Variants in MAP2K5 observed in about 807,000 individuals in gnomAD.
MAP2K5 encodes the protein dual specificity mitogen-activated protein kinase kinase 5.
Under a neutral mutation model 83.1 loss-of-function variants are expected in MAP2K5, and 49 were observed. That is an observed-to-expected ratio of 0.59 (90% CI 0.47 to 0.75). MAP2K5 has a LOEUF of 0.75. MAP2K5 is among the 30% of genes least tolerant of loss of function. The pLI is 0.00. For missense variants in MAP2K5, 457 were observed against 557.5 expected, an observed-to-expected ratio of 0.82 and a Z score of 1.82; for synonymous variants, 202 against 191.8, an observed-to-expected ratio of 1.05 and a Z score of -0.44.
At chr15:67,586,255 A>G (rs1329313967) in intron 5 of MAP2K5, among the ~76,000 whole-genome samples, 1 of 152,220 alleles carries the variant, frequency 6.6e-6, no homozygotes, top group Non-Finnish European at 1.5e-5. Flanking sequence ...TAAGCACATA[A>G]GCATATTGCA....
intron 5 of MAP2K5, 98 bp from the exon 6 acceptor site, chr15:67,586,748 C>T: frequency 9.1e-7 from 1 of 1,104,468 alleles, no homozygotes; most frequent in Non-Finnish European, 1.4e-6. Flanking sequence ...AGCTAATTAA[C>T]CTTCATAGTG....
At chr15:67,649,971 C>T (rs1374874751) in intron 11 of MAP2K5, among the ~76,000 whole-genome samples, 2 of 152,178 alleles carry the variant, frequency 1.3e-5, no homozygotes, top group African/African-American at 4.8e-5. Flanking sequence ...ATCTTCCACT[C>T]CGTGAACACA....
At position 67,577,476 on chromosome 15, in the gene MAP2K5, T is replaced by C. The variant is rs995352265; in HGVS notation, c.253-3278T>C. 1.1e-4 allele frequency among the ~76,000 whole-genome samples: 16 copies of C among 152,164 alleles called. No homozygotes were observed. The highest frequency in any genetic ancestry group is 3.9e-4 in the African/African-American group (16 of 41,438). On this transcript the variant is annotated intron_variant, in intron 3 of 21. Coordinates refer to ENST00000178640, the MANE Select transcript of MAP2K5 (RefSeq NM_145160.3). The surrounding 1 kb of genome is among the most constrained non-coding windows in gnomAD (Gnocchi z 4.1). ...ATGAAGTTATTTGGATAACTTGAAG[T>C]AATATTATGAAGGTTACTTTGTTAC...
chr15:67,710,311 G>A (rs543577844), intron 16 of MAP2K5, among the ~76,000 whole-genome samples: 49 of 152,244 alleles, frequency 3.2e-4, no homozygotes, highest in Admixed American at 1.5e-3. Context: ...TAATTGGTGC[G>A]TCATCTAGTC....
At chr15:67,759,332 G>A (rs565081557) in intron 19 of MAP2K5, among the ~76,000 whole-genome samples, 2 of 152,136 alleles carry the variant, frequency 1.3e-5, no homozygotes, top group South Asian at 4.2e-4. Context: ...ACCAAGGAAG[G>A]CAGATCACTT....
At chr15:67,682,224 T>A (rs1468240973) in intron 13 of MAP2K5, among the ~76,000 whole-genome samples, 1 of 144,656 alleles carries the variant, frequency 6.9e-6, no homozygotes, top group Non-Finnish European at 1.5e-5. Flanking sequence ...CTAGAGCTAT[T>A]TTTTTTTTTT....
chr15:67,588,266 C>T (rs1342084253), intron 6 of MAP2K5: 2 of 177,044 alleles, frequency 1.1e-5, no homozygotes, highest in East Asian at 3.8e-4. Flanking sequence ...TCACTTTCTT[C>T]TCTCTACTGG....
intron 17 of MAP2K5, among the ~76,000 whole-genome samples, chr15:67,741,258 T>C (rs62015172): frequency 0.12 from 17,818 of 152,090 alleles, 1,166 homozygotes; most frequent in African/African-American, 0.14. Flanking sequence ...GCAGCTTTCA[T>C]GTCCAGGTAA....
Position 67,543,227 on chromosome 15 carries a change from C to A in MAP2K5, c.-109C>A. 3.2e-5 allele frequency: 33 copies of A among 1,036,800 alleles called. No individual in the cohort carries two copies. The highest frequency in any genetic ancestry group is 3.5e-5 in the Non-Finnish European group (24 of 687,888). The allele number at this position is 1,036,800 out of a possible 1,614,324, so 64.2% of individuals were successfully genotyped here. A position where few individuals can be genotyped will look rare whatever the true frequency, so the allele number is the denominator to read the frequency against. ...CCCTCATCCTCCATTCCCTTGTTTT[C>A]ACCCTCTGTCCTCTGCCCGTCACTC... On this transcript the variant is annotated 5_prime_UTR_variant, in exon 1 of 22. Transcript: ENST00000178640. The surrounding 1 kb of genome is among the most constrained non-coding windows in gnomAD (Gnocchi z 4.3).
rs1412603888 is a variant in MAP2K5, at chr15:67,690,683, G to A, written c.848-1796G>A. ...CGAGTAGCTGAGATTACAGGTGTCCGCCACCACGCCCGGCTAATTTTTGTA... is the reference window on the plus strand; with the variant it reads ...CGAGTAGCTGAGATTACAGGTGTCCACCACCACGCCCGGCTAATTTTTGTA... On this transcript the variant is annotated intron_variant, in intron 13 of 21. Transcript: ENST00000178640. The surrounding 1 kb of genome is among the most constrained non-coding windows in gnomAD (Gnocchi z 4.3). 5.3e-5 allele frequency among the ~76,000 whole-genome samples: 8 copies of A among 151,806 alleles called. No individual in the cohort carries two copies. Among genetic ancestry groups the A allele is most frequent in the African/African-American group, 1.7e-4 (7 of 41,304 alleles).
At chr15:67,681,860 C>T (rs188173356) in intron 13 of MAP2K5, among the ~76,000 whole-genome samples, 111 of 152,238 alleles carry the variant, frequency 7.3e-4, no homozygotes, top group Admixed American at 3.7e-3. Flanking sequence ...ATTTGAGCTC[C>T]CTTGCCTTCA....
intron 21 of MAP2K5, among the ~76,000 whole-genome samples, chr15:67,795,892 A>G (rs985534405): frequency 1.3e-5 from 2 of 152,198 alleles, no homozygotes; most frequent in African/African-American, 4.8e-5. Context: ...GTTTTAAGGC[A>G]GTAATGTTAA....
chr15:67,740,723 G>C (rs1283793319), intron 17 of MAP2K5, among the ~76,000 whole-genome samples: 1 of 152,074 alleles, frequency 6.6e-6, no homozygotes, highest in Non-Finnish European at 1.5e-5. Flanking sequence ...TGTGTGATAA[G>C]GCTATCAGAA....
chr15:67,629,629 A>C (rs550659295), intron 8 of MAP2K5, among the ~76,000 whole-genome samples: 2 of 152,096 alleles, frequency 1.3e-5, no homozygotes, highest in Non-Finnish European at 2.9e-5. Flanking sequence ...TGGGCAGGTG[A>C]AGATGAGGAA....
intron 8 of MAP2K5, among the ~76,000 whole-genome samples, chr15:67,606,639 T>G (rs2085783760): frequency 6.6e-6 from 1 of 152,156 alleles, no homozygotes; most frequent in Non-Finnish European, 1.5e-5. Flanking sequence ...TCCTGTGGCC[T>G]ATTAGGTTGT....
In MAP2K5 at chr15:67,636,224, C is replaced by T. The variant is rs1338647973; in HGVS notation, c.585+5297C>T. On this transcript the variant is annotated intron_variant, in intron 9 of 21. Transcript: ENST00000178640. The surrounding 1 kb of genome is among the most constrained non-coding windows in gnomAD (Gnocchi z 4.7). ...TCAGGAGATCGAGACCATCCTAACACGGTGAAACCCCATTTCTACTAAAAA... is the reference window on the plus strand; with the variant it reads ...TCAGGAGATCGAGACCATCCTAACATGGTGAAACCCCATTTCTACTAAAAA... 6.6e-6 allele frequency among the ~76,000 whole-genome samples: 1 copy of T among 152,054 alleles called. No homozygotes were observed. The highest frequency in any genetic ancestry group is 6.5e-5 in the Admixed American group (1 of 15,274).
At position 67,770,377 on chromosome 15, in the gene MAP2K5, C is replaced by CG. The variant is rs1464195756; in HGVS notation, c.1196+715dup. Reference sequence around the variant, plus strand: ...TTTCACCATCATTCCCCTCTTCCCTCGTCCTGCAGGACTCATGTGGCCTTG... The same window carrying CG: ...TTTCACCATCATTCCCCTCTTCCCTCGGTCCTGCAGGACTCATGTGGCCTTG... On this transcript the variant is annotated intron_variant, in intron 20 of 21. Transcript: ENST00000178640. The surrounding 1 kb of genome is among the most constrained non-coding windows in gnomAD (Gnocchi z 5.0). 3.9e-5 allele frequency among the ~76,000 whole-genome samples: 6 copies of CG among 152,192 alleles called. No homozygotes were observed. Among genetic ancestry groups the CG allele is most frequent in the African/African-American group, 1.4e-4 (6 of 41,438 alleles).
At position 67,781,912 on chromosome 15, in the gene MAP2K5, T is replaced by A. The variant is rs931656831; in HGVS notation, c.1242+9160T>A. 4.6e-5 allele frequency among the ~76,000 whole-genome samples: 7 copies of A among 152,232 alleles called. No individual in the cohort carries two copies. Among genetic ancestry groups the A allele is most frequent in the Non-Finnish European group, 1.0e-4 (7 of 68,030 alleles). On this transcript the variant is annotated intron_variant, in intron 21 of 21. Transcript: ENST00000178640. The surrounding 1 kb of genome is among the most constrained non-coding windows in gnomAD (Gnocchi z 4.0). ...AAAATTTGTATAAATAGGGTACATT[T>A]TTTCCACTTAAGAGGGCTGTGCTGA...
intron 15 of MAP2K5, among the ~76,000 whole-genome samples, chr15:67,701,574 G>T (rs1015386294): frequency 6.6e-6 from 1 of 152,186 alleles, no homozygotes; most frequent in Non-Finnish European, 1.5e-5. Flanking sequence ...GTGAGACATG[G>T]TCATTAAGCA....
Sources: allele counts gnomAD v4.1 joint callset (sites outside exome capture counted in the v4.1 genomes callset), GRCh38; gene constraint gnomAD v4.1.1; non-coding constraint Gnocchi (gnomAD v3.1); transcripts MANE v1.5; gene names NCBI Gene and HGNC (gene_info 2026-07-23, HGNC 2026-07-21).